EDC3: variants seen among roughly 807,000 people sequenced by gnomAD.
EDC3 encodes enhancer of mRNA-decapping protein 3.
A neutral mutation model predicts 41.8 loss-of-function variants in EDC3; 20 were observed. The observed-to-expected ratio is 0.48, with a 90% CI of 0.34 to 0.70. The LOEUF is 0.70. Ranked by LOEUF, EDC3 falls within the 30% of genes least tolerant of loss-of-function variation. EDC3 has a pLI of 0.01. For missense variants in EDC3, 444 were observed against 636.8 expected, an observed-to-expected ratio of 0.70 and a Z score of 3.26; for synonymous variants, 206 against 243.2, an observed-to-expected ratio of 0.85 and a Z score of 1.42.
At chr15:74,661,564 G>A in intron 3 of EDC3, among the ~76,000 whole-genome samples, 1 of 151,830 alleles carries the variant, frequency 6.6e-6, no homozygotes, top group South Asian at 2.1e-4. Flanking sequence ...GATTACCTGA[G>A]GTCAGAAGTT....
At chr15:74,659,634 G>A (rs1004512617) in intron 3 of EDC3, among the ~76,000 whole-genome samples, 1 of 151,876 alleles carries the variant, frequency 6.6e-6, no homozygotes, top group Admixed American at 6.6e-5. Context: ...ACTTTGGGAG[G>A]CCAAGGTGGG....
At chr15:74,667,000 G>A (rs975482340) in intron 3 of EDC3, among the ~76,000 whole-genome samples, 4 of 152,138 alleles carry the variant, frequency 2.6e-5, no homozygotes, top group Non-Finnish European at 5.9e-5. Context: ...AAAGGCAAAA[G>A]AAACAGTACG....
intron 4 of EDC3, among the ~76,000 whole-genome samples, chr15:74,653,373 C>T (rs768797426): frequency 6.6e-6 from 1 of 151,970 alleles, no homozygotes; most frequent in Non-Finnish European, 1.5e-5. Flanking sequence ...AGAAAGTGTC[C>T]CCAGCTCTGC....
intron 1 of EDC3, among the ~76,000 whole-genome samples, chr15:74,694,077 A>G (rs1309237615): frequency 6.6e-6 from 1 of 152,118 alleles, no homozygotes; most frequent in Non-Finnish European, 1.5e-5. Flanking sequence ...CACAATTTGG[A>G]TGTCCTGTCC....
At chr15:74,654,435 T>C (rs2062519720) in intron 4 of EDC3, among the ~76,000 whole-genome samples, 1 of 152,210 alleles carries the variant, frequency 6.6e-6, no homozygotes, top group South Asian at 2.1e-4. Context: ...TTGGCTGATC[T>C]GGAGGAGTAC....
At position 74,696,024 on chromosome 15, in the gene EDC3, C is replaced by A. The variant is rs1475249025; in HGVS notation, c.-163G>T. On this transcript the variant is annotated 5_prime_UTR_variant, in exon 1 of 7. Coordinates refer to ENST00000315127, the MANE Select transcript of EDC3 (RefSeq NM_025083.5). ...GCCGCCGCTGCCGGAAGCGCCCCCA[C>A]GTCTCCACGCCACCACCGTGAGGTC... 6.6e-6 allele frequency: 1 copy of A among 152,436 alleles called. No homozygotes were observed. 9.4% of individuals were successfully genotyped at this position (152,436 alleles called of 1,614,324 possible).
chr15:74,679,074 G>GT (rs1396983475), intron 1 of EDC3, among the ~76,000 whole-genome samples: 1 of 151,948 alleles, frequency 6.6e-6, no homozygotes, highest in Non-Finnish European at 1.5e-5. Flanking sequence ...GTACACACCT[G>GT]TAATCCCAGC....
chr15:74,644,958 T>C (rs2062396169), intron 4 of EDC3: 1 of 152,104 alleles, frequency 6.6e-6, no homozygotes, highest in Admixed American at 6.5e-5. Context: ...TGATGTGACG[T>C]ACTCCCTGAT....
At chr15:74,650,723 C>T (rs1021469225) in intron 4 of EDC3, among the ~76,000 whole-genome samples, 43 of 152,174 alleles carry the variant, frequency 2.8e-4, no homozygotes, top group African/African-American at 1.0e-3. Flanking sequence ...TTAGGCCAGG[C>T]GCGGTGGCTC....
rs1328178288 is a variant in EDC3 at position 74,651,824 on chromosome 15, T to A, written c.820+3909A>T. Among the ~76,000 whole-genome samples the A allele has an allele frequency of 2.0e-5, 3 of 152,216 alleles. No homozygotes were observed. The East Asian group carries it at 5.8e-4, about 29-fold the overall frequency. ...GAGTGTTATCCCAATAAACCCATCA[T>A]AAATTGAAAATATCTAAGTTGAAAA... On this transcript the variant is annotated intron_variant, in intron 4 of 6. Transcript: ENST00000315127.
chr15:74,632,290 A>T lies in EDC3; in HGVS notation c.*322T>A, dbSNP rs990497833. ...CTCTTCAATGTGTGTGCCCAGGCCCAGTGGCTGTAAACCTGAAACACAGTC... is the reference window on the plus strand; with the variant it reads ...CTCTTCAATGTGTGTGCCCAGGCCCTGTGGCTGTAAACCTGAAACACAGTC... On this transcript the variant is annotated 3_prime_UTR_variant, in exon 7 of 7. Transcript: ENST00000315127. This position sits in a 1 kb window ranked among gnomAD's most constrained non-coding sequence, Gnocchi z 4.0. The T allele has an allele frequency of 2.7e-6, 1 of 368,852 alleles. No homozygotes were observed. The allele number at this position is 368,852 out of a possible 1,614,324, so 22.8% of individuals were successfully genotyped here. A position where few individuals can be genotyped will look rare whatever the true frequency, so the allele number is the denominator to read the frequency against.
In EDC3 at chr15:74,632,403, G is replaced by T; in HGVS notation, c.*209C>A. On this transcript the variant is annotated 3_prime_UTR_variant, in exon 7 of 7. Coordinates refer to ENST00000315127, the MANE Select transcript of EDC3 (RefSeq NM_025083.5). This position sits in a 1 kb window ranked among gnomAD's most constrained non-coding sequence, Gnocchi z 4.0. The stretch of plus-strand genomic sequence containing the variant: ...GATGCCTGGAGTTGCTGCACGCTCA[G>T]CCTGCCACCCAGCCCGGAACCCAGT... 1 of 629,302 alleles carries T rather than the reference G, an allele frequency of 1.6e-6. No individual in the cohort carries two copies. Among genetic ancestry groups the T allele is most frequent in the Non-Finnish European group, 2.7e-6 (1 of 367,572 alleles). 39.0% of individuals were successfully genotyped at this position (629,302 alleles called of 1,614,324 possible).
intron 1 of EDC3, among the ~76,000 whole-genome samples, chr15:74,675,637 G>A (rs950607366): frequency 1.4e-5 from 2 of 147,944 alleles, no homozygotes; most frequent in African/African-American, 5.0e-5. Context: ...AGGCTGGAGT[G>A]CAATGGTGCG....
intron 5 of EDC3, chr15:74,636,016 C>T (rs2062268790): frequency 1.0e-5 from 2 of 200,172 alleles, no homozygotes; most frequent in African/African-American, 4.6e-5. Context: ...ACTTGTAAGG[C>T]TCTTTCCTGC....
intron 6 of EDC3, among the ~76,000 whole-genome samples, chr15:74,634,330 G>A (rs1300531019): frequency 6.6e-6 from 1 of 152,026 alleles, no homozygotes; most frequent in South Asian, 2.1e-4. Flanking sequence ...CCATCTCCTT[G>A]GTTAGGCTCT....
chr15:74,694,487 G>T (rs1014025221), intron 1 of EDC3, among the ~76,000 whole-genome samples: 6 of 152,098 alleles, frequency 3.9e-5, no homozygotes, highest in Admixed American at 2.6e-4. Context: ...TGTATTTTTA[G>T]TACATACGGG....
At chr15:74,668,233 C>T (rs995502302) in intron 3 of EDC3, among the ~76,000 whole-genome samples, 2 of 152,032 alleles carry the variant, frequency 1.3e-5, no homozygotes, top group East Asian at 1.9e-4. Context: ...AAATGACTAC[C>T]AAATATGATG....
chr15:74,649,869 G>C (rs1023374288), intron 4 of EDC3, among the ~76,000 whole-genome samples: 15 of 149,440 alleles, frequency 1.0e-4, no homozygotes, highest in South Asian at 2.2e-4. Context: ...AAGGGGGGGG[G>C]GGTCACAAAA....
At chr15:74,663,802 G>GA (rs1209899497) in intron 3 of EDC3, among the ~76,000 whole-genome samples, 1 of 151,662 alleles carries the variant, frequency 6.6e-6, no homozygotes, top group African/African-American at 2.4e-5. Context: ...AAACAAACAT[G>GA]ACTAGCTGTA....
Sources: allele counts gnomAD v4.1 joint callset (sites outside exome capture counted in the v4.1 genomes callset), GRCh38; gene constraint gnomAD v4.1.1; non-coding constraint Gnocchi (gnomAD v3.1); transcripts MANE v1.5; gene names NCBI Gene and HGNC (gene_info 2026-07-23, HGNC 2026-07-21).